CEP83: variants seen among roughly 807,000 people sequenced by gnomAD.
CEP83 encodes the protein centrosomal protein 83.
In CEP83, 70 loss-of-function variants were observed where a neutral mutation model predicts 101.9. The observed-to-expected ratio is 0.69, with a 90% confidence interval of 0.57 to 0.84. The LOEUF is 0.84. Ranked by LOEUF, CEP83 falls within the 40% of genes least tolerant of loss-of-function variation. The pLI is 0.00. For missense variants in CEP83, 715 were observed against 787.2 expected, an observed-to-expected ratio of 0.91 and a Z score of 1.10; for synonymous variants, 264 against 267.9, an observed-to-expected ratio of 0.99 and a Z score of 0.14.
chr12:94,374,947 A>G (rs374859445), intron 8 of CEP83, among the ~76,000 whole-genome samples: 14 of 152,238 alleles, frequency 9.2e-5, no homozygotes, highest in African/African-American at 3.4e-4. Flanking sequence ...TTAGTAATGA[A>G]AAAATCAGAA....
intron 11 of CEP83, among the ~76,000 whole-genome samples, chr12:94,366,055 T>G (rs747444274): frequency 7.9e-5 from 12 of 151,434 alleles, no homozygotes; most frequent in South Asian, 2.1e-4. Flanking sequence ...GCAGGATAGA[T>G]GAGAAAAGAT....
chr12:94,367,997 C>A, intron 10 of CEP83, 54 bp from the exon 11 acceptor site: 1 of 1,603,010 alleles, frequency 6.2e-7, no homozygotes, highest in Non-Finnish European at 8.5e-7. Flanking sequence ...GATGATATGA[C>A]AGCAAAATGT....
intron 11 of CEP83, among the ~76,000 whole-genome samples, chr12:94,348,550 G>A (rs372953899): frequency 1.3e-5 from 2 of 151,872 alleles, no homozygotes; most frequent in African/African-American, 4.8e-5. Flanking sequence ...GATTTCATAC[G>A]ACTACCGGCA....
chr12:94,367,121 C>G (rs943651996), intron 11 of CEP83, among the ~76,000 whole-genome samples: 1 of 151,906 alleles, frequency 6.6e-6, no homozygotes, highest in African/African-American at 2.4e-5. Flanking sequence ...AGAGTTATAA[C>G]TGTTTCAGAT....
At chr12:94,376,690 T>TATACATACACACACACAC in intron 7 of CEP83, among the ~76,000 whole-genome samples, 1 of 117,390 alleles carries the variant, frequency 8.5e-6, no homozygotes, top group East Asian at 2.4e-4. Flanking sequence ...TATACATATA[T>TATACATACACACACACAC]ACACACACAC....
chr12:94,314,881 G>A (rs796870856), intron 14 of CEP83, among the ~76,000 whole-genome samples: 9 of 152,118 alleles, frequency 5.9e-5, no homozygotes, highest in African/African-American at 1.9e-4. Context: ...TTTGTATCTG[G>A]ACTTTTTTCT....
chr12:94,374,259 A>G (rs1044193447), intron 8 of CEP83, among the ~76,000 whole-genome samples: 2 of 152,142 alleles, frequency 1.3e-5, no homozygotes, highest in Non-Finnish European at 2.9e-5. Context: ...CATGAAAAGT[A>G]TTATACTTGG....
At chr12:94,265,694 T>G in the CEP83 span, among the ~76,000 whole-genome samples, 1,419 of 152,302 alleles carry the variant, frequency 9.3e-3, 31 homozygotes, top group African/African-American at 0.032. Flanking sequence ...TTTATTTTCA[T>G]GGATTAGTTA....
At chr12:94,380,927 A>G (rs1016345930) in intron 6 of CEP83, among the ~76,000 whole-genome samples, 15 of 152,316 alleles carry the variant, frequency 9.8e-5, no homozygotes, top group African/African-American at 3.4e-4. Flanking sequence ...ACTGGATGAC[A>G]GCTAGCTGAT....
chr12:94,387,339 G>A (rs1378319117), intron 6 of CEP83, among the ~76,000 whole-genome samples: 1 of 152,116 alleles, frequency 6.6e-6, no homozygotes, highest in African/African-American at 2.4e-5. Context: ...TTCTCATAGT[G>A]GTGTGAACCC....
At chr12:94,402,365 A>T (rs1172352768) in intron 5 of CEP83, 1 of 152,208 alleles carries the variant, frequency 6.6e-6, no homozygotes, top group African/African-American at 2.4e-5. Context: ...AATAAACACA[A>T]TAAATAAGCA....
intron 12 of CEP83, among the ~76,000 whole-genome samples, chr12:94,334,934 A>G (rs922571745): frequency 2.0e-5 from 3 of 152,182 alleles, no homozygotes; most frequent in Admixed American, 2.0e-4. Context: ...CTGAGTATCA[A>G]ACGTTATGTC....
In CEP83 at chr12:94,416,551, T is replaced by TAC. The variant is rs1555256390; in HGVS notation, c.-101-3962_-101-3961dup. Among the ~76,000 whole-genome samples the TAC allele has an allele frequency of 7.1e-3, 1,031 of 145,594 alleles. 7 individuals are homozygous for TAC. Among genetic ancestry groups the TAC allele is most frequent in the Non-Finnish European group, 9.8e-3 (645 of 66,116 alleles). On this transcript the variant is annotated intron_variant, in intron 2 of 16. Coordinates refer to ENST00000397809, the MANE Select transcript of CEP83 (RefSeq NM_016122.3). The stretch of plus-strand genomic sequence containing the variant: ...TACAATCTACTCTATCCAAATACCA[T>TAC]ACACACACACACACACACACACAAA...
the CEP83 span, among the ~76,000 whole-genome samples, chr12:94,287,146 AAC>A: frequency 6.6e-6 from 1 of 152,238 alleles, no homozygotes; most frequent in East Asian, 1.9e-4. Context: ...CCATCTGATG[AAC>A]ACAGAGGAGG....
At position 94,444,399 on chromosome 12, in the gene CEP83, CGAAAA is replaced by C. The variant is rs1387634215; in HGVS notation, c.-154-9077_-154-9073del. 2.6e-5 allele frequency among the ~76,000 whole-genome samples: 4 copies of C among 151,606 alleles called. No homozygotes were observed. The East Asian group carries it at 5.8e-4, about 22-fold the overall frequency. On this transcript the variant is annotated intron_variant, in intron 1 of 16. Transcript: ENST00000397809. ...GGCAACAAGAACAAAACTCCAACTC[CGAAAA>C]GAAAAGAAAAGAAATTTCTACCTCA...
chr12:94,377,434 G>A (rs998926341), intron 7 of CEP83, among the ~76,000 whole-genome samples: 3 of 152,108 alleles, frequency 2.0e-5, no homozygotes, highest in African/African-American at 7.2e-5. Context: ...CCATCGGACA[G>A]TCAAAAAATA....
the CEP83 span, among the ~76,000 whole-genome samples, chr12:94,292,814 C>G: frequency 6.6e-6 from 1 of 152,178 alleles, no homozygotes; most frequent in African/African-American, 2.4e-5. Flanking sequence ...ACGTTAGCAC[C>G]CACAACGTTT....
At chr12:94,327,546 G>C (rs1043370001) in intron 14 of CEP83, among the ~76,000 whole-genome samples, 1 of 151,886 alleles carries the variant, frequency 6.6e-6, no homozygotes, top group Non-Finnish European at 1.5e-5. Context: ...AAGAGTCTAC[G>C]TCATGTCTAC....
chr12:94,366,791 T>G (rs1173811988), intron 11 of CEP83, among the ~76,000 whole-genome samples: 1 of 152,054 alleles, frequency 6.6e-6, no homozygotes, highest in Non-Finnish European at 1.5e-5. Context: ...AATGTTTAAT[T>G]CCAGGGCTGG....
Sources: gnomAD v4.1 joint callset for allele counts (sites outside exome capture counted in the v4.1 genomes callset) on GRCh38, gnomAD v4.1.1 for gene constraint, MANE v1.5 for transcripts, NCBI Gene and HGNC (gene_info 2026-07-23, HGNC 2026-07-21) for gene names.